HACL1: variants seen among roughly 807,000 people sequenced by gnomAD.
HACL1 encodes the protein 1600020H07Rik.
HACL1 carries 64 observed loss-of-function variants against 74.2 expected under a neutral mutation model. The ratio of observed to expected loss-of-function variants is 0.86; its 90% CI spans 0.70 to 1.06. HACL1 has a LOEUF of 1.06. Among genes scored for constraint, HACL1 ranks in the 50% least tolerant of loss-of-function variants. HACL1 has a pLI of 0.00. For synonymous variants in HACL1, 230 were observed against 238.8 expected (o/e 0.96, Z 0.34); for missense variants, 728 against 719.7 (o/e 1.01, Z -0.13).
At chr3:15,591,971 A>G (rs1332061596) in intron 3 of HACL1, among the ~76,000 whole-genome samples, 1 of 149,748 alleles carries the variant, frequency 6.7e-6, no homozygotes, top group Middle Eastern at 3.6e-3. Flanking sequence ...CATAGTGTAT[A>G]TATATACACA....
At chr3:15,574,661 T>C (rs1203789421) in intron 10 of HACL1, among the ~76,000 whole-genome samples, 3 of 152,230 alleles carry the variant, frequency 2.0e-5, no homozygotes, top group Non-Finnish European at 4.4e-5. Context: ...TAGTCTACCA[T>C]CCTACTTAAG....
At chr3:15,595,847 G>T (rs2064052850) in intron 3 of HACL1, 1 of 152,062 alleles carries the variant, frequency 6.6e-6, no homozygotes, top group African/African-American at 2.4e-5. Context: ...CTGACCTCAG[G>T]TGATCCACCT....
intron 14 of HACL1, among the ~76,000 whole-genome samples, chr3:15,566,841 T>C (rs112181655): frequency 0.12 from 16,066 of 133,774 alleles, 1,097 homozygotes; most frequent in East Asian, 0.16. Flanking sequence ...TTTTTTGCGA[T>C]GGAGTCTTGC....
Position 15,563,448 on chromosome 3 carries a change from G to A in HACL1, c.1614C>T (p.Leu538=), listed in dbSNP as rs186020952. The A allele has an allele frequency of 4.4e-5, 71 of 1,611,154 alleles. 1 individual carries two copies. The Middle Eastern group carries it at 6.6e-4, about 15-fold the overall frequency. ...CTAGGCTCTGCCTCAGGGATTTTTG[G>A]AGTTCTTCTGGTGTTTGTACAAAAT... The part of the protein sequence containing the change: ...KGYFVQTPEE[L]QKSLRQSLAD... The change falls in exon 16 of 17, where the codon CTC becomes CTT. Residue 538 remains leucine, a synonymous_variant. Coordinates refer to ENST00000321169, the MANE Select transcript of HACL1 (RefSeq NM_012260.4).
intron 3 of HACL1, among the ~76,000 whole-genome samples, chr3:15,592,546 G>T (rs563565004): frequency 1.4e-5 from 2 of 145,150 alleles, no homozygotes; most frequent in African/African-American, 5.1e-5. Flanking sequence ...ACACATGTAC[G>T]CACATGTGTG....
intron 3 of HACL1, among the ~76,000 whole-genome samples, chr3:15,592,393 T>TATACACACAC (rs1218628072): frequency 7.0e-6 from 1 of 143,404 alleles, no homozygotes; most frequent in East Asian, 2.0e-4. Flanking sequence ...TACACACACG[T>TATACACACAC]GTATACATGT....
chr3:15,571,015 T>C (rs1038420340), intron 12 of HACL1, among the ~76,000 whole-genome samples: 6 of 151,996 alleles, frequency 3.9e-5, no homozygotes, highest in Non-Finnish European at 8.8e-5. Context: ...TCTCACTCTG[T>C]CACCCAGGCT....
chr3:15,565,951 A>G (rs2063427780), intron 14 of HACL1, among the ~76,000 whole-genome samples: 1 of 152,240 alleles, frequency 6.6e-6, no homozygotes, highest in African/African-American at 2.4e-5. Flanking sequence ...TATTGTATTC[A>G]GTATTTTAAA....
chr3:15,568,346 A>G (rs914892748), intron 13 of HACL1, 86 bp downstream of exon 13: 8 of 845,418 alleles, frequency 9.5e-6, no homozygotes, highest in African/African-American at 8.4e-5. Flanking sequence ...ATTAATTCTC[A>G]AACGTCTTCT....
intron 13 of HACL1, 76 bp from the exon 14 acceptor site, chr3:15,568,078 C>A (rs2063466690): frequency 1.7e-6 from 2 of 1,176,180 alleles, no homozygotes; most frequent in Admixed American, 2.0e-5. Flanking sequence ...ACCTTCTAGT[C>A]ATATTTACAT....
At chr3:15,589,415 T>C in intron 5 of HACL1, 125 bp downstream of exon 5, 2 of 583,514 alleles carry the variant, frequency 3.4e-6, no homozygotes, top group South Asian at 4.2e-5. Context: ...GAAGATTGCT[T>C]GAGGTCAGGA....
At chr3:15,592,110 TAC>T (rs751633769) in intron 3 of HACL1, among the ~76,000 whole-genome samples, 8 of 141,930 alleles carry the variant, frequency 5.6e-5, no homozygotes, top group African/African-American at 1.4e-4. Context: ...TACGTATATA[TAC>T]ACACTATATA....
In HACL1 at chr3:15,592,611, T is replaced by G. The variant is rs1386345657; in HGVS notation, c.228-931A>C. Among the ~76,000 whole-genome samples the G allele has an allele frequency of 1.2e-4, 11 of 94,604 alleles. No individual in the cohort carries two copies. In the South Asian group the frequency reaches 2.0e-3, roughly 17 times the overall value. The allele number at this position is 94,604 out of a possible 152,430, so 62.1% of individuals were successfully genotyped here. A position where few individuals can be genotyped will look rare whatever the true frequency, so the allele number is the denominator to read the frequency against. On this transcript the variant is annotated intron_variant, in intron 3 of 16. Transcript: ENST00000321169. ...GTGTATACACATGTACGCACATGTGTGCGTGTATACACATGTACGCACATG... is the reference window on the plus strand; with the variant it reads ...GTGTATACACATGTACGCACATGTGGGCGTGTATACACATGTACGCACATG...
chr3:15,586,224 G>A (rs2063791010), intron 6 of HACL1, among the ~76,000 whole-genome samples: 1 of 152,100 alleles, frequency 6.6e-6, no homozygotes, highest in South Asian at 2.1e-4. Flanking sequence ...AAAAGCACAA[G>A]AGAAAAGGTA....
At chr3:15,580,084 C>T (rs1212187884) in intron 8 of HACL1, 39 bp from the exon 9 acceptor site, 2 of 1,549,470 alleles carry the variant, frequency 1.3e-6, no homozygotes, top group Non-Finnish European at 1.8e-6. Flanking sequence ...TTCAGTTAAG[C>T]TATAGGCACT....
At position 15,582,979 on chromosome 3, in the gene HACL1, G is replaced by A. The variant is rs367690435; in HGVS notation, c.565C>T (p.Arg189Cys). ...VNVNSIKYME[R>C]CMSPPISMAE... ...ATGCTAATAGGAGGTGACATGCAGC[G>A]TTCCATGTACCTGGAAAAAAAGAGC... The change falls in exon 8 of 17, where the codon CGC (arginine) becomes TGC (cysteine). Residue 189 changes from arginine (R) to cysteine (C), a missense_variant. Transcript: ENST00000321169. 7.0e-6 allele frequency: 11 copies of A among 1,578,546 alleles called. No individual in the cohort carries two copies. The highest frequency in any genetic ancestry group is 9.6e-6 in the Non-Finnish European group (11 of 1,151,614).
chr3:15,574,965 C>T lies in HACL1; in HGVS notation c.909+12G>A, dbSNP rs767505746. 7 of 1,229,372 alleles carry T rather than the reference C, an allele frequency of 5.7e-6. No homozygotes were observed. The Admixed American group carries it at 1.2e-4, about 21-fold the overall frequency. 76.2% of individuals were successfully genotyped at this position (1,229,372 alleles called of 1,614,324 possible). On this transcript the variant is annotated intron_variant, in intron 10 of 16. Coordinates refer to ENST00000321169, the MANE Select transcript of HACL1 (RefSeq NM_012260.4). ...AGACATTTCTGATTTTAAGTTCCTC[C>T]TCTCTAAGTACCTGGATAAACTTCA...
At chr3:15,580,164 A>G in intron 8 of HACL1, 119 bp from the exon 9 acceptor site, 2 of 786,234 alleles carry the variant, frequency 2.5e-6, no homozygotes, top group Non-Finnish European at 4.2e-6. Flanking sequence ...GACTCACTCT[A>G]TCACCCAGGC....
intron 10 of HACL1, 38 bp from the exon 11 acceptor site, chr3:15,573,280 A>C: frequency 8.3e-7 from 1 of 1,200,976 alleles, no homozygotes; most frequent in Non-Finnish European, 1.2e-6. Context: ...ACCCATGTTT[A>C]TTCTGAAAAA....
Sources: allele counts gnomAD v4.1 joint callset (sites outside exome capture counted in the v4.1 genomes callset), GRCh38; gene constraint gnomAD v4.1.1; transcripts MANE v1.5; gene names NCBI Gene and HGNC (gene_info 2026-07-23, HGNC 2026-07-21).